Variants in DRC9 observed in about 807,000 individuals in gnomAD.
The protein encoded by DRC9 is dynein regulatory complex subunit 9.
At chr3:197,901,969 G>T in the DRC9 span, among the ~76,000 whole-genome samples, 1 of 152,214 alleles carries the variant, frequency 6.6e-6, no homozygotes, top group Non-Finnish European at 1.5e-5. The surrounding 1 kb of genome is among the most constrained non-coding windows in gnomAD (Gnocchi z 4.4). Context: ...AGTCCCAGTG[G>T]TGGTGGTCAC....
chr3:197,932,925 G>A, the DRC9 span, among the ~76,000 whole-genome samples: 2 of 125,192 alleles, frequency 1.6e-5, no homozygotes, highest in Admixed American at 1.8e-4. Flanking sequence ...TGCATATTAT[G>A]TATTATATAT....
chr3:197,934,640 C>G, the DRC9 span, among the ~76,000 whole-genome samples: 3 of 152,018 alleles, frequency 2.0e-5, no homozygotes, highest in East Asian at 5.8e-4. Flanking sequence ...TTTCCTAACG[C>G]GTAGTCCGCT....
chr3:197,951,514 G>A, the DRC9 span: 2 of 574,736 alleles, frequency 3.5e-6, no homozygotes, highest in South Asian at 3.9e-5. Context: ...CACCACGCCC[G>A]GCTAGTTTTT....
chr3:197,946,190 C>A, the DRC9 span, among the ~76,000 whole-genome samples: 1 of 152,144 alleles, frequency 6.6e-6, no homozygotes, highest in Non-Finnish European at 1.5e-5. Flanking sequence ...AATCCCAGCA[C>A]TCTGGGAGGC....
chr3:197,909,715 G>A, the DRC9 span, among the ~76,000 whole-genome samples: 7 of 152,164 alleles, frequency 4.6e-5, no homozygotes, highest in African/African-American at 1.7e-4. Context: ...ATACTAGGCC[G>A]GGTGCAGTGG....
the DRC9 span, chr3:197,954,460 A>G: frequency 4.8e-6 from 2 of 414,376 alleles, no homozygotes; most frequent in Non-Finnish European, 9.0e-6. Flanking sequence ...CAGCCCCCCA[A>G]GTAGCTGGGA....
At chr3:197,912,906 C>A in the DRC9 span, 1 of 667,750 alleles carries the variant, frequency 1.5e-6, no homozygotes. Context: ...ACCAACACTG[C>A]AGAGCCACGT....
the DRC9 span, chr3:197,953,976 T>A: frequency 6.2e-7 from 1 of 1,611,752 alleles, no homozygotes; most frequent in Non-Finnish European, 8.5e-7. Flanking sequence ...CAGCTTGTAT[T>A]CCTCTTCTTT....
the DRC9 span, among the ~76,000 whole-genome samples, chr3:197,901,590 G>A: frequency 7.2e-5 from 11 of 152,206 alleles, no homozygotes; most frequent in South Asian, 2.1e-4. The surrounding 1 kb of genome is among the most constrained non-coding windows in gnomAD (Gnocchi z 4.4). Flanking sequence ...GTAGCCTGGC[G>A]GCACTCTCCA....
At chr3:197,939,327 C>G in the DRC9 span, among the ~76,000 whole-genome samples, 2 of 152,276 alleles carry the variant, frequency 1.3e-5, no homozygotes, top group Non-Finnish European at 2.9e-5. Flanking sequence ...ATACTAAAAG[C>G]AGAGGTTGAT....
chr3:197,952,764 G>A, the DRC9 span: 2 of 152,222 alleles, frequency 1.3e-5, no homozygotes, highest in African/African-American at 4.8e-5. Flanking sequence ...AGAGTGCTGG[G>A]ATTATAGCGC....
chr3:197,946,336 G>A, the DRC9 span, among the ~76,000 whole-genome samples: 1 of 151,038 alleles, frequency 6.6e-6, no homozygotes, highest in African/African-American at 2.4e-5. Context: ...TCGGGAGGCT[G>A]AGGCAGGAGA....
the DRC9 span, among the ~76,000 whole-genome samples, chr3:197,894,808 A>T: frequency 2.7e-4 from 41 of 152,308 alleles, no homozygotes; most frequent in Admixed American, 1.2e-3. Flanking sequence ...TTGTGCCTGT[A>T]ATCCCAGCAG....
chr3:197,933,065 TAC>T, the DRC9 span, among the ~76,000 whole-genome samples: 6 of 75,840 alleles, frequency 7.9e-5, no homozygotes, highest in African/African-American at 7.6e-4. Context: ...ACATATATTA[TAC>T]ATATATATAT....
At chr3:197,897,895 C>T in the DRC9 span, among the ~76,000 whole-genome samples, 70 of 151,370 alleles carry the variant, frequency 4.6e-4, 1 homozygote, top group African/African-American at 1.5e-3. Context: ...CTCAGCCTCC[C>T]GAGTAGCTGG....
chr3:197,932,260 C>CA, the DRC9 span: 1 of 1,612,938 alleles, frequency 6.2e-7, no homozygotes, highest in Non-Finnish European at 8.5e-7. Flanking sequence ...CCGAATCTTG[C>CA]AACTCCTTAA....
chr3:197,935,461 A>G, the DRC9 span, among the ~76,000 whole-genome samples: 2 of 151,430 alleles, frequency 1.3e-5, no homozygotes, highest in Admixed American at 1.3e-4. Flanking sequence ...AAGAAAAGAA[A>G]AGTAAATTTG....
chr3:197,910,881 C>T, the DRC9 span, among the ~76,000 whole-genome samples: 10 of 150,684 alleles, frequency 6.6e-5, no homozygotes, highest in African/African-American at 1.2e-4. Context: ...CTGAGGCAGG[C>T]GAATCGCTTG....
the DRC9 span, among the ~76,000 whole-genome samples, chr3:197,905,702 C>T: frequency 3.3e-5 from 5 of 151,638 alleles, no homozygotes; most frequent in Admixed American, 1.3e-4. Flanking sequence ...GAGCTGAGAT[C>T]GTGCCACTGG....
Sources: gnomAD v4.1 joint callset for allele counts (sites outside exome capture counted in the v4.1 genomes callset) on GRCh38, gnomAD v4.1.1 for gene constraint, Gnocchi (gnomAD v3.1) non-coding constraint, MANE v1.5 for transcripts, NCBI Gene and HGNC (gene_info 2026-07-23, HGNC 2026-07-21) for gene names.